KCNQ3: variants seen among roughly 807,000 people sequenced by gnomAD.
KCNQ3 encodes the protein potassium voltage-gated channel subfamily KQT member 3.
Under a neutral mutation model 92.5 loss-of-function variants are expected in KCNQ3, and 30 were observed. The observed-to-expected ratio is 0.32, with a 90% CI of 0.24 to 0.44. The LOEUF is 0.44. Ranked by LOEUF, KCNQ3 falls within the 20% of genes least tolerant of loss-of-function variation. The pLI is 1.00. For missense variants in KCNQ3, 913 were observed against 1,140.3 expected, an observed-to-expected ratio of 0.80 and a Z score of 2.87; for synonymous variants, 450 against 468.8, an observed-to-expected ratio of 0.96 and a Z score of 0.52.
Position 132,175,522 on chromosome 8 carries a change from C to T in KCNQ3, c.864G>A (p.Glu288=). The T allele has an allele frequency of 6.2e-7, 1 of 1,614,172 alleles. No homozygotes were observed. The highest frequency in any genetic ancestry group is 8.5e-7 in the Non-Finnish European group (1 of 1,180,020). ...TCATCTCCTCTCCTTGTGCATCCACCTCTGGGACGTCTTTCTCAACCAGGT... is the reference window on the plus strand; with the variant it reads ...TCATCTCCTCTCCTTGTGCATCCACTTCTGGGACGTCTTTCTCAACCAGGT... ...LVYLVEKDVP[E]VDAQGEEMKE... Residue 288 remains glutamate, a synonymous_variant, in exon 5 of 15, where the codon GAG becomes GAA. Transcript: ENST00000388996.
At chr8:132,258,622 C>T (rs1006899421) in intron 1 of KCNQ3, among the ~76,000 whole-genome samples, 1 of 151,616 alleles carries the variant, frequency 6.6e-6, no homozygotes, top group East Asian at 1.9e-4. Context: ...GCAAATGAAC[C>T]GTAAAGTAGG....
chr8:132,331,187 C>T (rs1023073802), intron 1 of KCNQ3, among the ~76,000 whole-genome samples: 2 of 152,210 alleles, frequency 1.3e-5, no homozygotes, highest in African/African-American at 4.8e-5. Flanking sequence ...CCTGTGGTAA[C>T]AGCTCTCTCT....
chr8:132,140,403 C>T (rs559043210), intron 10 of KCNQ3: 1 of 529,202 alleles, frequency 1.9e-6, no homozygotes, highest in Admixed American at 3.5e-5. Flanking sequence ...GTGCGCAGCT[C>T]ATGACTGGTA....
chr8:132,146,050 CAG>C (rs1392765318), intron 9 of KCNQ3, among the ~76,000 whole-genome samples: 1 of 152,212 alleles, frequency 6.6e-6, no homozygotes, highest in Non-Finnish European at 1.5e-5. Flanking sequence ...CCAGATAAGT[CAG>C]AGACTTTAGA....
intron 1 of KCNQ3, among the ~76,000 whole-genome samples, chr8:132,264,431 A>G (rs575588028): frequency 1.6e-4 from 24 of 152,310 alleles, no homozygotes; most frequent in Non-Finnish European, 3.2e-4. Flanking sequence ...TTGTGAAAAT[A>G]CCTGGAGCTC....
chr8:132,238,647 C>A (rs995872907), intron 1 of KCNQ3, among the ~76,000 whole-genome samples: 3 of 152,190 alleles, frequency 2.0e-5, no homozygotes, highest in Non-Finnish European at 4.4e-5. Context: ...CCCTATCCTA[C>A]TTCTCTCCTT....
rs147008029 is a variant in KCNQ3 at position 132,419,200 on chromosome 8, G to C, written c.386+60947C>G. Among the ~76,000 whole-genome samples, 558 of 152,216 alleles carry C rather than the reference G, an allele frequency of 3.7e-3. 4 individuals are homozygous for C. Among genetic ancestry groups the C allele is most frequent in the Middle Eastern group, 0.014 (4 of 294 alleles). On this transcript the variant is annotated intron_variant, in intron 1 of 14. Coordinates refer to ENST00000388996, the MANE Select transcript of KCNQ3 (RefSeq NM_004519.4). ...AGGCAGAAATTCCTTCCACTGCCAG[G>C]CTCCCTGCTGAACAACAGTGTTCTC... is the stretch of plus-strand genomic sequence containing the variant.
intron 1 of KCNQ3, among the ~76,000 whole-genome samples, chr8:132,393,660 C>A (rs925652710): frequency 1.3e-5 from 2 of 152,144 alleles, no homozygotes; most frequent in African/African-American, 2.4e-5. Context: ...TCAGGCACTC[C>A]GTCAAGTGAT....
At chr8:132,138,334 C>T (rs1825173739) in intron 11 of KCNQ3, among the ~76,000 whole-genome samples, 1 of 152,156 alleles carries the variant, frequency 6.6e-6, no homozygotes, top group Non-Finnish European at 1.5e-5. Flanking sequence ...GATAACAGAT[C>T]CATTTATAGA....
chr8:132,386,455 C>T (rs1408612940), intron 1 of KCNQ3, among the ~76,000 whole-genome samples: 3 of 151,780 alleles, frequency 2.0e-5, no homozygotes, highest in East Asian at 3.9e-4. Flanking sequence ...TTAATTATAG[C>T]TAGTTCTGTG....
intron 1 of KCNQ3, among the ~76,000 whole-genome samples, chr8:132,260,595 G>A (rs1457518678): frequency 6.6e-6 from 1 of 152,142 alleles, no homozygotes; most frequent in Non-Finnish European, 1.5e-5. Flanking sequence ...GGGAGTGGGT[G>A]GCTGGGGTAG....
chr8:132,236,706 A>G (rs964161122), intron 1 of KCNQ3, among the ~76,000 whole-genome samples: 1 of 152,228 alleles, frequency 6.6e-6, no homozygotes, highest in African/African-American at 2.4e-5. Context: ...TAGATGGCAC[A>G]GTTGACTTTG....
intron 1 of KCNQ3, among the ~76,000 whole-genome samples, chr8:132,446,456 T>C (rs552411681): frequency 1.4e-4 from 22 of 152,312 alleles, no homozygotes; most frequent in African/African-American, 5.3e-4. Context: ...CTGTGTGTCC[T>C]TAAGCAAACT....
At chr8:132,407,685 A>G (rs1485422943) in intron 1 of KCNQ3, among the ~76,000 whole-genome samples, 1 of 152,098 alleles carries the variant, frequency 6.6e-6, no homozygotes, top group African/African-American at 2.4e-5. Context: ...TTTCACCATC[A>G]CTACAGTATT....
At chr8:132,381,362 C>A (rs980416788) in intron 1 of KCNQ3, among the ~76,000 whole-genome samples, 1 of 152,236 alleles carries the variant, frequency 6.6e-6, no homozygotes, top group Admixed American at 6.5e-5. Flanking sequence ...CCAGACACTT[C>A]CATACACTCA....
At chr8:132,321,817 G>C (rs915697376) in intron 1 of KCNQ3, among the ~76,000 whole-genome samples, 4 of 152,118 alleles carry the variant, frequency 2.6e-5, no homozygotes, top group Non-Finnish European at 4.4e-5. Flanking sequence ...CAGTGCACCT[G>C]GTGAAATCTG....
intron 1 of KCNQ3, among the ~76,000 whole-genome samples, chr8:132,327,816 G>T (rs981922526): frequency 1.6e-4 from 25 of 152,152 alleles, no homozygotes; most frequent in Non-Finnish European, 3.7e-4. Context: ...TGGGCTGGGG[G>T]TCCACAGCAG....
rs567062252 is a variant in KCNQ3 at position 132,407,191 on chromosome 8, G to A, written c.386+72956C>T. 1.1e-4 allele frequency among the ~76,000 whole-genome samples: 16 copies of A among 152,270 alleles called. No homozygotes were observed. The East Asian group carries it at 2.7e-3, about 26-fold the overall frequency. On this transcript the variant is annotated intron_variant, in intron 1 of 14. Transcript: ENST00000388996. The stretch of plus-strand genomic sequence containing the variant: ...GGGACCCTTCCCAGTTTCACCCCAG[G>A]AGCAGCCACAGCAAAGAGCCCTCCT...
chr8:132,237,319 C>T (rs1172602375), intron 1 of KCNQ3, among the ~76,000 whole-genome samples: 4 of 152,170 alleles, frequency 2.6e-5, no homozygotes, highest in Admixed American at 2.6e-4. Context: ...CAATTGACAT[C>T]TACTCTGTGT....
Sources: gnomAD v4.1 joint callset for allele counts (sites outside exome capture counted in the v4.1 genomes callset) on GRCh38, gnomAD v4.1.1 for gene constraint, MANE v1.5 for transcripts, NCBI Gene and HGNC (gene_info 2026-07-23, HGNC 2026-07-21) for gene names.